HIF3A: variants seen among roughly 807,000 people sequenced by gnomAD.
HIF3A encodes hypoxia-inducible factor 3-alpha.
HIF3A carries 41 observed loss-of-function variants against 67.2 expected under a neutral mutation model. The observed-to-expected ratio is 0.61, with a 90% CI of 0.48 to 0.79. The LOEUF (loss-of-function observed/expected upper bound fraction) is 0.79, where lower values mean the gene tolerates loss of function less well. HIF3A is among the 30% of genes least tolerant of loss of function. HIF3A has a pLI of 0.00. For missense variants in HIF3A, 855 were observed against 898.0 expected, an observed-to-expected ratio of 0.95 and a Z score of 0.61; for synonymous variants, 356 against 374.8, an observed-to-expected ratio of 0.95 and a Z score of 0.58.
chr19:46,329,469 C>T lies in HIF3A; in HGVS notation c.1703C>T (p.Ala568Val). 1 of 1,519,940 alleles carries T rather than the reference C, an allele frequency of 6.6e-7. No homozygotes were observed. Among genetic ancestry groups the T allele is most frequent in the Non-Finnish European group, 8.8e-7 (1 of 1,132,940 alleles). The allele number at this position is 1,519,940 out of a possible 1,614,324, so 94.2% of individuals were successfully genotyped here. A position where few individuals can be genotyped will look rare whatever the true frequency, so the allele number is the denominator to read the frequency against. The change falls in exon 12 of 15, where the codon GCT (alanine) becomes GTT (valine). Residue 568 changes from alanine (A) to valine (V), a missense_variant. By Grantham distance (64) the Ala-to-Val change is moderately conservative. Transcript: ENST00000377670. ...DPSASSPMAG[A>V]RKRTLAQSSE... Reference sequence around the variant, plus strand: ...TCAGCATCCTCTCCCATGGCTGGGGCTCGGAAGAGGTGAGCCACAGTAAAG... The same window carrying T: ...TCAGCATCCTCTCCCATGGCTGGGGTTCGGAAGAGGTGAGCCACAGTAAAG...
chr19:46,299,547 A>G (rs1462771970), intron 1 of HIF3A, among the ~76,000 whole-genome samples: 2 of 151,886 alleles, frequency 1.3e-5, no homozygotes, highest in African/African-American at 4.8e-5. Flanking sequence ...TCTCATCTAT[A>G]CTAGAAGTAA....
chr19:46,316,728 C>T (rs1391317406), intron 8 of HIF3A, among the ~76,000 whole-genome samples: 3 of 148,312 alleles, frequency 2.0e-5, no homozygotes, highest in Admixed American at 6.8e-5. Flanking sequence ...ACTTGAACCC[C>T]GGAGGCAGAG....
chr19:46,324,897 T>TAC (rs1263634504), intron 10 of HIF3A, among the ~76,000 whole-genome samples: 31 of 146,902 alleles, frequency 2.1e-4, no homozygotes, highest in African/African-American at 6.7e-4. Context: ...TATTTATATA[T>TAC]ATATATATAT....
At chr19:46,324,837 G>C (rs552622745) in intron 10 of HIF3A, among the ~76,000 whole-genome samples, 3 of 149,824 alleles carry the variant, frequency 2.0e-5, no homozygotes, top group Admixed American at 2.0e-4. Context: ...CTGGGTGACA[G>C]AGTAAGACTC....
chr19:46,304,430 A>G (rs1040006701), intron 2 of HIF3A, among the ~76,000 whole-genome samples: 3 of 152,156 alleles, frequency 2.0e-5, no homozygotes, highest in Non-Finnish European at 4.4e-5. Context: ...AGACTCTCCC[A>G]GATGGATAGG....
At chr19:46,338,664 TA>T (rs1971800284) in intron 14 of HIF3A, 1 of 376,276 alleles carries the variant, frequency 2.7e-6, no homozygotes, top group African/African-American at 2.2e-5. Context: ...AACAGAGGAG[TA>T]AATCAAGAGG....
intron 14 of HIF3A, 37 bp from the exon 15 acceptor site, chr19:46,339,488 T>C: frequency 7.3e-7 from 1 of 1,373,292 alleles, no homozygotes; most frequent in Non-Finnish European, 1.0e-6. Context: ...CTTTCGTCTT[T>C]TACCTTTCAT....
At position 46,329,201 on chromosome 19, in the gene HIF3A, C is replaced by T. The variant is rs1286513918; in HGVS notation, c.1441-6C>T. ...CATCCTCTTACCTCCCTCCTGCCCT[C>T]CGCAGGATGCTGATGCTCTGGATTT... On this transcript the variant is annotated splice_polypyrimidine_tract_variant and splice_region_variant and intron_variant, in intron 11 of 14. Coordinates refer to ENST00000377670, the MANE Select transcript of HIF3A (RefSeq NM_152795.4). 2 of 1,594,408 alleles carry T rather than the reference C, an allele frequency of 1.3e-6. No individual in the cohort carries two copies. Among genetic ancestry groups the T allele is most frequent in the South Asian group, 1.1e-5 (1 of 88,598 alleles).
chr19:46,322,019 G>T, intron 10 of HIF3A, 53 bp downstream of exon 10: 1 of 1,571,596 alleles, frequency 6.4e-7, no homozygotes, highest in South Asian at 1.2e-5. Flanking sequence ...AGTCCCTCAG[G>T]GGGTCTTGGC....
rs564054455 is a variant in HIF3A at position 46,330,914 on chromosome 19, CTAGGTGGATAAA to C, written c.1713-232_1713-221del. 1.5e-3 allele frequency among the ~76,000 whole-genome samples: 221 copies of C among 150,960 alleles called. 1 individual carries two copies. The highest frequency in any genetic ancestry group is 5.1e-3 in the African/African-American group (210 of 41,066). On this transcript the variant is annotated intron_variant, in intron 12 of 14. Transcript: ENST00000377670. ...GGATGGATGGATAGATGAAGGACAA[CTAGGTGGATAAA>C]TAGGTGGATGAATGGAAGGATAAAT...
At chr19:46,313,554 G>A (rs1969661679) in intron 8 of HIF3A, among the ~76,000 whole-genome samples, 1 of 150,658 alleles carries the variant, frequency 6.6e-6, no homozygotes, top group Non-Finnish European at 1.5e-5. Flanking sequence ...TCTCTTTATG[G>A]TACACAGTTC....
At chr19:46,307,219 T>C (rs1360185790) in intron 3 of HIF3A, among the ~76,000 whole-genome samples, 1 of 152,210 alleles carries the variant, frequency 6.6e-6, no homozygotes, top group Non-Finnish European at 1.5e-5. Context: ...ATATTGTTGT[T>C]ATTTGTTCTT....
chr19:46,314,217 T>A (rs550896412), intron 8 of HIF3A, among the ~76,000 whole-genome samples: 23 of 147,850 alleles, frequency 1.6e-4, no homozygotes, highest in African/African-American at 5.6e-4. Context: ...ATATTTAATC[T>A]AAGAAACTGC....
chr19:46,298,904 C>T (rs138386020), intron 1 of HIF3A, among the ~76,000 whole-genome samples: 191 of 152,288 alleles, frequency 1.3e-3, no homozygotes, highest in Middle Eastern at 0.01. Flanking sequence ...CCCCAATACC[C>T]AGCTGGGTGT....
At chr19:46,316,059 C>T (rs1224097390) in intron 8 of HIF3A, among the ~76,000 whole-genome samples, 2 of 152,004 alleles carry the variant, frequency 1.3e-5, no homozygotes, top group African/African-American at 4.8e-5. Context: ...GGTGAAACTC[C>T]ATCTCTACTA....
intron 14 of HIF3A, chr19:46,338,611 T>G: frequency 1.2e-6 from 1 of 832,922 alleles, no homozygotes; most frequent in Non-Finnish European, 1.5e-6. Flanking sequence ...GTACTAGTTA[T>G]GGTTCAAAAC....
intron 14 of HIF3A, 65 bp downstream of exon 14, chr19:46,335,051 T>A (rs1601374663): frequency 1.5e-6 from 2 of 1,329,862 alleles, no homozygotes; most frequent in African/African-American, 2.9e-5. Flanking sequence ...GCGAGAGGGA[T>A]GGAGCCATTC....
chr19:46,332,847 A>G (rs1971333948), intron 13 of HIF3A, among the ~76,000 whole-genome samples: 1 of 151,880 alleles, frequency 6.6e-6, no homozygotes, highest in Non-Finnish European at 1.5e-5. Context: ...AGCCGGGTGT[A>G]GGTGCACACC....
At chr19:46,330,126 G>T (rs1027607086) in intron 12 of HIF3A, among the ~76,000 whole-genome samples, 3 of 152,126 alleles carry the variant, frequency 2.0e-5, no homozygotes, top group East Asian at 1.9e-4. Context: ...TGCTCATTTC[G>T]AATCCAGAGT....
Sources: gnomAD v4.1 joint callset for allele counts (sites outside exome capture counted in the v4.1 genomes callset) on GRCh38, gnomAD v4.1.1 for gene constraint, MANE v1.5 for transcripts, NCBI Gene and HGNC (gene_info 2026-07-23, HGNC 2026-07-21) for gene names.